Variants in TAFA1 observed in about 807,000 individuals in gnomAD.
TAFA1 encodes chemokine-like protein TAFA-1.
TAFA1 carries 4 observed loss-of-function variants against 18.5 expected under a neutral mutation model. That is an observed-to-expected ratio of 0.22 (90% CI 0.11 to 0.49). The LOEUF (loss-of-function observed/expected upper bound fraction) is 0.49. Among genes scored for constraint, TAFA1 ranks in the 20% least tolerant of loss-of-function variants. The probability of loss-of-function intolerance (pLI) is 0.98; values close to 1 mark genes in which losing one functional copy is unlikely to be tolerated. For missense variants in TAFA1, 147 were observed against 169.0 expected, an observed-to-expected ratio of 0.87 and a Z score of 0.72; for synonymous variants, 56 against 55.2, an observed-to-expected ratio of 1.01 and a Z score of -0.06.
At chr3:68,228,048 G>C (rs1347001667) in intron 2 of TAFA1, among the ~76,000 whole-genome samples, 4 of 152,154 alleles carry the variant, frequency 2.6e-5, no homozygotes, top group Admixed American at 6.5e-5. Flanking sequence ...CCTCAGGATG[G>C]AAAGATAGAA....
At chr3:68,539,479 A>T (rs930603681) in intron 4 of TAFA1, among the ~76,000 whole-genome samples, 1 of 151,948 alleles carries the variant, frequency 6.6e-6, no homozygotes, top group Non-Finnish European at 1.5e-5. Flanking sequence ...AGCTAGCTAG[A>T]TATTAACCCT....
chr3:68,322,407 C>T (rs2068709806), intron 2 of TAFA1, among the ~76,000 whole-genome samples: 1 of 152,122 alleles, frequency 6.6e-6, no homozygotes, highest in Non-Finnish European at 1.5e-5. Context: ...CTCAAGGAAG[C>T]CGGAGAGTCA....
At chr3:68,127,719 AGTG>A (rs1286697373) in intron 2 of TAFA1, among the ~76,000 whole-genome samples, 50 of 53,418 alleles carry the variant, frequency 9.4e-4, no homozygotes, top group South Asian at 5.4e-3. Context: ...TGCTGATGGC[AGTG>A]GTGGTGGTGG....
chr3:68,524,762 C>T (rs1454419854), intron 3 of TAFA1, among the ~76,000 whole-genome samples: 5 of 151,970 alleles, frequency 3.3e-5, no homozygotes, highest in African/African-American at 9.7e-5. Flanking sequence ...GCTCTGCCTC[C>T]CGGGTTCACA....
intron 2 of TAFA1, among the ~76,000 whole-genome samples, chr3:68,110,224 G>T (rs1315477453): frequency 6.6e-6 from 1 of 152,140 alleles, no homozygotes; most frequent in African/African-American, 2.4e-5. Flanking sequence ...GACAACACGT[G>T]GTGTTTGTTT....
At chr3:67,996,688 A>G in the TAFA1 span, among the ~76,000 whole-genome samples, 2,728 of 152,156 alleles carry the variant, frequency 0.018, 91 homozygotes, top group African/African-American at 0.063. Flanking sequence ...AATCCCAGCT[A>G]TTCAGGAGGC....
chr3:68,046,291 G>A (rs1194928435), intron 2 of TAFA1, among the ~76,000 whole-genome samples: 1 of 152,050 alleles, frequency 6.6e-6, no homozygotes, highest in Non-Finnish European at 1.5e-5. Context: ...TTATATTTAG[G>A]TGACTCTGAT....
At chr3:68,102,066 A>T (rs1263734875) in intron 2 of TAFA1, among the ~76,000 whole-genome samples, 1 of 152,176 alleles carries the variant, frequency 6.6e-6, no homozygotes, top group Non-Finnish European at 1.5e-5. Flanking sequence ...CATTTTTTAC[A>T]AGAATAAAGG....
At chr3:68,180,469 G>A (rs1342131964) in intron 2 of TAFA1, among the ~76,000 whole-genome samples, 1 of 152,134 alleles carries the variant, frequency 6.6e-6, no homozygotes, top group Non-Finnish European at 1.5e-5. Context: ...ACACCTGCAG[G>A]CAATTTTTGT....
In TAFA1 at chr3:68,538,843, G is replaced by T; in HGVS notation, c.347G>T (p.Trp116Leu). The T allele has an allele frequency of 6.2e-7, 1 of 1,613,584 alleles. No individual in the cohort carries two copies. Among genetic ancestry groups the T allele is most frequent in the South Asian group, 1.1e-5 (1 of 91,082 alleles). Reference protein sequence around the residue: ...ECKTLPDNSGWMCATGNKIKT... With the variant: ...ECKTLPDNSGLMCATGNKIKT... ...AAGACACTCCCTGACAATTCTGGAT[G>T]GATGTGCGCAACAGGCAACAAAATT... The change falls in exon 4 of 5, where the codon TGG (tryptophan) becomes TTG (leucine). Residue 116 changes from tryptophan (W) to leucine (L), a missense_variant. By Grantham distance (61) the Trp-to-Leu change is moderately conservative (BLOSUM62 -2). Coordinates refer to ENST00000478136, the MANE Select transcript of TAFA1 (RefSeq NM_213609.4).
At chr3:68,371,378 G>T (rs1023076549) in intron 2 of TAFA1, among the ~76,000 whole-genome samples, 3 of 151,350 alleles carry the variant, frequency 2.0e-5, no homozygotes, top group Non-Finnish European at 4.4e-5. Context: ...CTCTCCCCTT[G>T]CCCCCAACCC....
intron 2 of TAFA1, among the ~76,000 whole-genome samples, chr3:68,339,912 A>G (rs1434522691): frequency 6.6e-6 from 1 of 151,918 alleles, no homozygotes; most frequent in Non-Finnish European, 1.5e-5. Context: ...TGGCTTAACA[A>G]TCAGCTCACA....
chr3:68,302,556 T>A (rs981917573), intron 2 of TAFA1, among the ~76,000 whole-genome samples: 21 of 152,214 alleles, frequency 1.4e-4, no homozygotes, highest in African/African-American at 3.1e-4. Flanking sequence ...TTTTTTTTTT[T>A]AATTTTGAAT....
At chr3:68,395,653 G>A (rs2070367350) in intron 2 of TAFA1, among the ~76,000 whole-genome samples, 1 of 152,164 alleles carries the variant, frequency 6.6e-6, no homozygotes, top group South Asian at 2.1e-4. Context: ...TATGTCCTTT[G>A]CAGGGACATG....
chr3:68,076,911 T>G (rs1230312896), intron 2 of TAFA1, among the ~76,000 whole-genome samples: 1 of 152,188 alleles, frequency 6.6e-6, no homozygotes, highest in Non-Finnish European at 1.5e-5. Context: ...TGAACTAGTT[T>G]ACAATCCCAC....
In TAFA1 at chr3:68,156,210, T is replaced by C. The variant is rs138275478; in HGVS notation, c.118+149466T>C. ...AGGATCCAGCATCCCAAATAAGGTC[T>C]GGAGAAAGGGACAGACTCTTAAACC... On this transcript the variant is annotated intron_variant, in intron 2 of 4. Transcript: ENST00000478136. Among the ~76,000 whole-genome samples, 634 of 152,302 alleles carry C rather than the reference T, an allele frequency of 4.2e-3. 6 individuals are homozygous for C. The highest frequency in any genetic ancestry group is 0.014 in the African/African-American group (599 of 41,562).
At chr3:68,074,485 ACTT>A (rs554365941) in intron 2 of TAFA1, among the ~76,000 whole-genome samples, 86 of 152,286 alleles carry the variant, frequency 5.6e-4, no homozygotes, top group Admixed American at 1.0e-3. Context: ...CAAATATTAA[ACTT>A]CTTGAAGTCT....
intron 2 of TAFA1, among the ~76,000 whole-genome samples, chr3:68,308,263 A>G (rs997439715): frequency 5.9e-5 from 9 of 152,188 alleles, no homozygotes; most frequent in African/African-American, 1.4e-4. Flanking sequence ...TTCTGTCTTC[A>G]TTAAAATGCT....
chr3:68,057,678 G>T (rs555203014), intron 2 of TAFA1, among the ~76,000 whole-genome samples: 28 of 152,276 alleles, frequency 1.8e-4, no homozygotes, highest in African/African-American at 6.7e-4. Context: ...TAAGGATCTT[G>T]GTATGGGAAG....
Sources: allele counts gnomAD v4.1 joint callset (sites outside exome capture counted in the v4.1 genomes callset), GRCh38; gene constraint gnomAD v4.1.1; transcripts MANE v1.5; gene names NCBI Gene and HGNC (gene_info 2026-07-23, HGNC 2026-07-21).